The following TMEM168 variants were observed in gnomAD, a reference collection of about 807,000 sequenced individuals.
TMEM168 encodes transmembrane protein 168.
TMEM168 carries 40 observed loss-of-function variants against 53.2 expected under a neutral mutation model. The observed-to-expected ratio is 0.75, with a 90% CI of 0.58 to 0.98. The LOEUF (loss-of-function observed/expected upper bound fraction) is 0.98. TMEM168 is among the 50% of genes least tolerant of loss of function. The pLI, the probability that TMEM168 is intolerant of heterozygous loss-of-function variation, is 0.00. For missense variants in TMEM168, 771 were observed against 828.8 expected, an observed-to-expected ratio of 0.93 and a Z score of 0.86; for synonymous variants, 282 against 293.0, an observed-to-expected ratio of 0.96 and a Z score of 0.38.
At chr7:112,775,030 G>A in intron 3 of TMEM168, 146 bp downstream of exon 3, 1 of 558,034 alleles carries the variant, frequency 1.8e-6, no homozygotes, top group Non-Finnish European at 2.8e-6. Context: ...ATTATCACTT[G>A]GAATAAAGTT....
Position 112,762,526 on chromosome 7 carries a change from A to C in TMEM168, c.*4671T>G, listed in dbSNP as rs1792690085. On this transcript the variant is annotated 3_prime_UTR_variant, in exon 5 of 5. Transcript: ENST00000312814. The stretch of plus-strand genomic sequence containing the variant: ...CACACTGCTAAAAATCTTTGAGATA[A>C]ATCAATGTCTTTTAGGCTAGACCAA... 1 of 152,076 alleles carries C rather than the reference A, an allele frequency of 6.6e-6. No homozygotes were observed. Among genetic ancestry groups the C allele is most frequent in the Admixed American group, 6.6e-5 (1 of 15,262 alleles). The allele number at this position is 152,076 out of a possible 1,614,324, so 9.4% of individuals were successfully genotyped here. A position where few individuals can be genotyped will look rare whatever the true frequency, so the allele number is the denominator to read the frequency against.
chr7:112,787,473 G>A (rs1367789407), intron 1 of TMEM168, among the ~76,000 whole-genome samples: 2 of 152,162 alleles, frequency 1.3e-5, no homozygotes, highest in South Asian at 2.1e-4. Context: ...TCCGACTATC[G>A]GGTTCAGGCG....
chr7:112,773,068 A>G lies in TMEM168; in HGVS notation c.1272-13T>C. On this transcript the variant is annotated splice_polypyrimidine_tract_variant and intron_variant, in intron 3 of 4. Transcript: ENST00000312814. ...CTGACCATCAGGACTGAAGTAGGAGAAAAAACAAGAAGTACTCATTCTATA... is the reference window on the plus strand; with the variant it reads ...CTGACCATCAGGACTGAAGTAGGAGGAAAAACAAGAAGTACTCATTCTATA... 3 of 1,578,980 alleles carry G rather than the reference A, an allele frequency of 1.9e-6. No individual in the cohort carries two copies. The highest frequency in any genetic ancestry group is 1.7e-6 in the Non-Finnish European group (2 of 1,159,036).
chr7:112,787,552 TTACAG>T (rs1793417459), intron 1 of TMEM168, among the ~76,000 whole-genome samples: 1 of 151,798 alleles, frequency 6.6e-6, no homozygotes, highest in Non-Finnish European at 1.5e-5. Flanking sequence ...GTAGCTGGGA[TTACAG>T]GCGCCCATCG....
intron 4 of TMEM168, among the ~76,000 whole-genome samples, chr7:112,772,240 A>G (rs1408843661): frequency 6.6e-6 from 1 of 152,170 alleles, no homozygotes; most frequent in East Asian, 1.9e-4. Context: ...ATTTACAATT[A>G]CCCCCTTATT....
chr7:112,776,664 A>T (rs986873062), intron 2 of TMEM168, among the ~76,000 whole-genome samples: 1 of 152,056 alleles, frequency 6.6e-6, no homozygotes, highest in Non-Finnish European at 1.5e-5. Flanking sequence ...GATTAAAATC[A>T]TTCCAAATAC....
chr7:112,767,476 CCAG>C lies in TMEM168; in HGVS notation c.1812_1814del (p.Cys604del). 1 of 1,614,126 alleles carries C rather than the reference CCAG, an allele frequency of 6.2e-7. No homozygotes were observed. Among genetic ancestry groups the C allele is most frequent in the Non-Finnish European group, 8.5e-7 (1 of 1,180,022 alleles). On this transcript the variant is annotated inframe_deletion, in exon 5 of 5. Transcript: ENST00000312814. ...CTTTCACTGTGCGTCCCTTTTCAGT[CCAG>C]CAGATGTTATTACTGGAGTTGCAGT...
Position 112,783,686 on chromosome 7 carries a change from C to CAAT in TMEM168, c.1128+9_1128+11dup. The CAAT allele has an allele frequency of 5.4e-6, 8 of 1,470,268 alleles. No individual in the cohort carries two copies. Among genetic ancestry groups the CAAT allele is most frequent in the Non-Finnish European group, 7.2e-6 (8 of 1,111,646 alleles). 91.1% of individuals were successfully genotyped at this position (1,470,268 alleles called of 1,614,324 possible). On this transcript the variant is annotated intron_variant, in intron 2 of 4. Transcript: ENST00000312814. Reference sequence around the variant, plus strand: ...CACGTCATTGGGGTTGCTGGACAAACAATAAGCTTACCTGCCAGGAAACTG... The same window carrying CAAT: ...CACGTCATTGGGGTTGCTGGACAAACAATAATAAGCTTACCTGCCAGGAAACTG...
At chr7:112,770,361 C>T (rs1792896928) in intron 4 of TMEM168, among the ~76,000 whole-genome samples, 1 of 152,144 alleles carries the variant, frequency 6.6e-6, no homozygotes, top group Admixed American at 6.6e-5. Context: ...TATGCTTTCT[C>T]TCTCTTTTTT....
At chr7:112,780,672 C>T (rs1457693086) in intron 2 of TMEM168, among the ~76,000 whole-genome samples, 3 of 152,074 alleles carry the variant, frequency 2.0e-5, no homozygotes, top group Non-Finnish European at 4.4e-5. Context: ...TGCAGTGAGC[C>T]ATGATTGTAC....
chr7:112,767,768 G>A (rs763153028), intron 4 of TMEM168, 24 bp from the exon 5 acceptor site: 11 of 1,561,634 alleles, frequency 7.0e-6, no homozygotes, highest in Non-Finnish European at 9.5e-6. Flanking sequence ...AAAATTCAAT[G>A]GAGCAATAAT....
At position 112,784,249 on chromosome 7, in the gene TMEM168, C is replaced by T; in HGVS notation, c.577G>A (p.Asp193Asn). The stretch of plus-strand genomic sequence containing the variant: ...GCTAAGAAAGATTTCATTCTCAGAT[C>T]AATAATCAGCATAGCCAGAGCTACA... ...LVVALAMLIIDLRMKSFLAIP... is the reference protein window; with the variant it reads ...LVVALAMLIINLRMKSFLAIP... The change falls in exon 2 of 5, where the codon GAT (aspartate) becomes AAT (asparagine). Residue 193 changes from aspartate to asparagine, a missense_variant. Coordinates refer to ENST00000312814, the MANE Select transcript of TMEM168 (RefSeq NM_022484.6). 6.2e-7 allele frequency: 1 copy of T among 1,613,888 alleles called. No individual in the cohort carries two copies. The highest frequency in any genetic ancestry group is 8.5e-7 in the Non-Finnish European group (1 of 1,179,930).
At chr7:112,789,522 A>G (rs2116324381) in intron 1 of TMEM168, among the ~76,000 whole-genome samples, 1 of 152,374 alleles carries the variant, frequency 6.6e-6, no homozygotes, top group African/African-American at 2.4e-5. Context: ...TAACTAGTAG[A>G]ACTAAGGGAG....
At chr7:112,781,269 T>C (rs1279198847) in intron 2 of TMEM168, among the ~76,000 whole-genome samples, 1 of 152,150 alleles carries the variant, frequency 6.6e-6, no homozygotes, top group Non-Finnish European at 1.5e-5. Flanking sequence ...CAACTTAATC[T>C]AGCTGATATT....
chr7:112,767,857 C>A, intron 4 of TMEM168, 113 bp from the exon 5 acceptor site: 3 of 909,008 alleles, frequency 3.3e-6, no homozygotes, highest in Non-Finnish European at 3.1e-6. Context: ...CATGTATTTT[C>A]CTTAAGTTCT....
rs534453899 is a variant in TMEM168 at position 112,762,432 on chromosome 7, G to C, written c.*4765C>G. ...TAATATAAAAATATTTTTGAACTTA[G>C]AAAAGTTTACTTGGCATTGAGTGAA... On this transcript the variant is annotated 3_prime_UTR_variant, in exon 5 of 5. Transcript: ENST00000312814. The C allele has an allele frequency of 1.3e-5, 2 of 152,050 alleles. No homozygotes were observed. The highest frequency in any genetic ancestry group is 4.1e-4 in the South Asian group (2 of 4,824). The allele number at this position is 152,050 out of a possible 1,614,324, so 9.4% of individuals were successfully genotyped here.
rs528222075 is a variant in TMEM168 at position 112,763,537 on chromosome 7, C to A, written c.*3660G>T. 1 of 151,966 alleles carries A rather than the reference C, an allele frequency of 6.6e-6. No individual in the cohort carries two copies. The highest frequency in any genetic ancestry group is 1.9e-4 in the East Asian group (1 of 5,186). 9.4% of individuals were successfully genotyped at this position (151,966 alleles called of 1,614,324 possible). A position where few individuals can be genotyped will look rare whatever the true frequency, so the allele number is the denominator to read the frequency against. The stretch of plus-strand genomic sequence containing the variant: ...AATAGTTTCCAATACAGGAGACATT[C>A]GAAAGTACTGACAGATCTAACTCCT... On this transcript the variant is annotated 3_prime_UTR_variant, in exon 5 of 5. Coordinates refer to ENST00000312814, the MANE Select transcript of TMEM168 (RefSeq NM_022484.6).
rs769913900 is a variant in TMEM168 at position 112,767,752 on chromosome 7, C to G, written c.1547-8G>C. ...GGCGTAGTGTATCTCCACCTGTGAA[C>G]AAGAGAAAATTCAATGGAGCAATAA... On this transcript the variant is annotated splice_polypyrimidine_tract_variant and splice_region_variant and intron_variant, in intron 4 of 4. Coordinates refer to ENST00000312814, the MANE Select transcript of TMEM168 (RefSeq NM_022484.6). 6.3e-7 allele frequency: 1 copy of G among 1,584,462 alleles called. No individual in the cohort carries two copies. The highest frequency in any genetic ancestry group is 8.6e-7 in the Non-Finnish European group (1 of 1,169,150).
intron 2 of TMEM168, among the ~76,000 whole-genome samples, chr7:112,780,697 C>A (rs558456976): frequency 2.6e-4 from 39 of 152,216 alleles, no homozygotes; most frequent in Non-Finnish European, 4.1e-4. Context: ...GTACTCTAGC[C>A]CACACTGCAG....
Sources: allele counts gnomAD v4.1 joint callset (sites outside exome capture counted in the v4.1 genomes callset), GRCh38; gene constraint gnomAD v4.1.1; transcripts MANE v1.5; gene names NCBI Gene and HGNC (gene_info 2026-07-23, HGNC 2026-07-21).